Variants in DKK3 observed in about 807,000 individuals in gnomAD.
DKK3 encodes dickkopf-related protein 3.
DKK3 carries 22 observed loss-of-function variants against 33.2 expected under a neutral mutation model. That is an observed-to-expected ratio of 0.66 (90% CI 0.47 to 0.95). The LOEUF is 0.95. Among genes scored for constraint, DKK3 ranks in the 40% least tolerant of loss-of-function variants. The pLI, the probability that DKK3 is intolerant of heterozygous loss-of-function variation, is 0.00. For synonymous variants in DKK3, 194 were observed against 188.8 expected (o/e 1.03, Z -0.23); for missense variants, 398 against 458.4 (o/e 0.87, Z 1.20).
intron 2 of DKK3, among the ~76,000 whole-genome samples, chr11:12,000,396 G>A (rs1221353057): frequency 2.0e-5 from 3 of 152,102 alleles, no homozygotes; most frequent in African/African-American, 4.8e-5. Context: ...TAGTAGAGAC[G>A]GGGTTTCGCC....
At position 11,993,540 on chromosome 11, in the gene DKK3, C is replaced by G. The variant is rs181592207; in HGVS notation, c.435+5156G>C. ...GAGTACAACTTAATATACCAGGTAG[C>G]AGCACAAAAAGAAATGCCTACCCCA... On this transcript the variant is annotated intron_variant, in intron 3 of 6. Coordinates refer to ENST00000683431, the MANE Select transcript of DKK3 (RefSeq NM_001018057.2). 3.0e-3 allele frequency among the ~76,000 whole-genome samples: 458 copies of G among 152,180 alleles called. 1 individual carries two copies. Among genetic ancestry groups the G allele is most frequent in the East Asian group, 0.024 (127 of 5,186 alleles).
chr11:12,002,159 C>T lies in DKK3; in HGVS notation c.351+141G>A, dbSNP rs1337653337. 6 of 944,150 alleles carry T rather than the reference C, an allele frequency of 6.4e-6. No individual in the cohort carries two copies. The Admixed American group carries it at 1.5e-4, about 24-fold the overall frequency. 58.5% of individuals were successfully genotyped at this position (944,150 alleles called of 1,614,324 possible). Reference sequence around the variant, plus strand: ...ACTTTCAACAGTAACATTACTCCTTCTGGTTTTCAATCCGTATTTTATGAT... The same window carrying T: ...ACTTTCAACAGTAACATTACTCCTTTTGGTTTTCAATCCGTATTTTATGAT... On this transcript the variant is annotated intron_variant, in intron 2 of 6. Coordinates refer to ENST00000683431, the MANE Select transcript of DKK3 (RefSeq NM_001018057.2).
intron 3 of DKK3, chr11:11,978,784 A>G (rs1167622580): frequency 6.6e-6 from 1 of 152,212 alleles, no homozygotes; most frequent in East Asian, 1.9e-4. Flanking sequence ...CTTCCTAGAT[A>G]TTATTCCCAG....
chr11:12,000,474 T>C lies in DKK3; in HGVS notation c.352-1695A>G, dbSNP rs189403956. On this transcript the variant is annotated intron_variant, in intron 2 of 6. Coordinates refer to ENST00000683431, the MANE Select transcript of DKK3 (RefSeq NM_001018057.2). The stretch of plus-strand genomic sequence containing the variant: ...CGCCCGCCTTGGCCTCCCAAAGTGC[T>C]GGGAATATAGGCATAAGCCACCGTG... Among the ~76,000 whole-genome samples the C allele has an allele frequency of 4.9e-3, 738 of 151,334 alleles. 5 individuals are homozygous for C. The highest frequency in any genetic ancestry group is 0.017 in the African/African-American group (712 of 41,184).
chr11:12,009,090 C>T, upstream of DKK3: 1 of 985,324 alleles, frequency 1.0e-6, no homozygotes, highest in Non-Finnish European at 1.2e-6. Context: ...TCGGGTCCTA[C>T]TCGAGCGCCC....
At position 11,968,483 on chromosome 11, in the gene DKK3, C is replaced by T. The variant is rs1461718303; in HGVS notation, c.440G>A (p.Cys147Tyr). The change falls in exon 4 of 7, where the codon TGC becomes TAC. Residue 147 changes from cysteine to tyrosine, a missense_variant. Physicochemically the swap from Cys to Tyr is radical, Grantham distance 194 (BLOSUM62 -2). Coordinates refer to ENST00000683431, the MANE Select transcript of DKK3 (RefSeq NM_001018057.2). Reference protein sequence around the residue: ...GDEEGRRSHECIIDEDCGPSM... With the variant: ...GDEEGRRSHEYIIDEDCGPSM... ...GGGCCCACAGTCCTCGTCGATGATG[C>T]ACTCCTGGGGAAGGGCACAGGGAGC... The T allele has an allele frequency of 6.2e-7, 1 of 1,612,774 alleles. No homozygotes were observed. The highest frequency in any genetic ancestry group is 8.5e-7 in the Non-Finnish European group (1 of 1,179,388).
At chr11:12,007,263 A>G (rs1039729113) in intron 1 of DKK3, among the ~76,000 whole-genome samples, 2 of 152,206 alleles carry the variant, frequency 1.3e-5, no homozygotes, top group African/African-American at 4.8e-5. Flanking sequence ...GGGGATACCA[A>G]GCTGGAGACA....
intron 3 of DKK3, among the ~76,000 whole-genome samples, chr11:11,976,313 C>A (rs1257806769): frequency 2.0e-5 from 3 of 152,182 alleles, no homozygotes; most frequent in Admixed American, 6.5e-5. Flanking sequence ...GATGGGCCAA[C>A]TACCAACAAG....
intron 1 of DKK3, among the ~76,000 whole-genome samples, chr11:12,006,108 C>A (rs760510383): frequency 6.6e-6 from 1 of 152,182 alleles, no homozygotes; most frequent in Non-Finnish European, 1.5e-5. Flanking sequence ...TTTTACTTAA[C>A]CCCATTTTAG....
At chr11:11,985,855 C>T (rs997497623) in intron 3 of DKK3, among the ~76,000 whole-genome samples, 3 of 152,186 alleles carry the variant, frequency 2.0e-5, no homozygotes, top group African/African-American at 2.4e-5. Context: ...CATGGGGATG[C>T]GGGGAGAGGA....
intron 3 of DKK3, among the ~76,000 whole-genome samples, chr11:11,996,642 T>A (rs1848299662): frequency 6.6e-6 from 1 of 152,142 alleles, no homozygotes; most frequent in South Asian, 2.1e-4. Context: ...GGGAATTTAG[T>A]CTAATATAGA....
intron 3 of DKK3, among the ~76,000 whole-genome samples, chr11:11,979,229 G>C (rs965930214): frequency 3.9e-5 from 6 of 152,206 alleles, no homozygotes; most frequent in Non-Finnish European, 8.8e-5. Flanking sequence ...ATGGAGGCTG[G>C]GTGGGGAAGC....
At position 11,980,567 on chromosome 11, in the gene DKK3, G is replaced by C. The variant is rs531621204; in HGVS notation, c.436-12080C>G. 2.6e-5 allele frequency among the ~76,000 whole-genome samples: 4 copies of C among 152,242 alleles called. No individual in the cohort carries two copies. In the East Asian group the frequency reaches 7.7e-4, roughly 29 times the overall value. ...GATTTTTGGCCCATGCTTTTAGAAT[G>C]CCCTTACCTCCCTTATCTGTCAATC... On this transcript the variant is annotated intron_variant, in intron 3 of 6. Coordinates refer to ENST00000683431, the MANE Select transcript of DKK3 (RefSeq NM_001018057.2).
chr11:11,996,912 G>T (rs1456262499), intron 3 of DKK3, among the ~76,000 whole-genome samples: 1 of 152,232 alleles, frequency 6.6e-6, no homozygotes, highest in African/African-American at 2.4e-5. Context: ...GTACACAGGG[G>T]CACACAAGGC....
intron 3 of DKK3, among the ~76,000 whole-genome samples, chr11:11,973,469 G>A (rs1047696061): frequency 2.6e-5 from 4 of 152,174 alleles, no homozygotes; most frequent in Admixed American, 6.5e-5. Flanking sequence ...CATATGGCTG[G>A]AAGACAGCAC....
chr11:12,008,948 G>C (rs1021248618), upstream of DKK3: 11 of 1,024,174 alleles, frequency 1.1e-5, no homozygotes, highest in African/African-American at 1.9e-4. This position sits in a 1 kb window ranked among gnomAD's most constrained non-coding sequence, Gnocchi z 4.6. Context: ...AGCTCACCTA[G>C]ACTCTGTCCC....
chr11:11,986,116 T>G (rs10160790), intron 3 of DKK3, among the ~76,000 whole-genome samples: 138,092 of 152,166 alleles, frequency 0.91, 62,804 homozygotes, highest in East Asian at 1. Flanking sequence ...GCCACCCGGG[T>G]ACCCCTGGCC....
At chr11:12,008,675 C>T, upstream of DKK3, 2 of 1,229,920 alleles carry the variant, frequency 1.6e-6, no homozygotes, top group African/African-American at 1.6e-5. The surrounding 1 kb of genome is among the most constrained non-coding windows in gnomAD (Gnocchi z 4.6). Flanking sequence ...CCGCCCCGCC[C>T]CGTTCCGCCC....
At chr11:12,000,449 C>T (rs972839598) in intron 2 of DKK3, among the ~76,000 whole-genome samples, 10 of 151,732 alleles carry the variant, frequency 6.6e-5, no homozygotes, top group East Asian at 3.9e-4. Flanking sequence ...TCAGGTGATC[C>T]GCCCGCCTTG....
Sources: gnomAD v4.1 joint callset for allele counts (sites outside exome capture counted in the v4.1 genomes callset) on GRCh38, gnomAD v4.1.1 for gene constraint, Gnocchi (gnomAD v3.1) non-coding constraint, MANE v1.5 for transcripts, NCBI Gene and HGNC (gene_info 2026-07-23, HGNC 2026-07-21) for gene names.